CFAP263: variants seen among roughly 807,000 people sequenced by gnomAD.
CFAP263 encodes cilia- and flagella-associated protein 263.
the CFAP263 span, among the ~76,000 whole-genome samples, chr16:58,268,924 A>G: frequency 1.3e-5 from 2 of 152,210 alleles, no homozygotes; most frequent in Non-Finnish European, 2.9e-5. Flanking sequence ...ATAATCACCC[A>G]TTTAAAGTGT....
chr16:58,253,951 AT>A, the CFAP263 span: 1 of 1,610,284 alleles, frequency 6.2e-7, no homozygotes, highest in South Asian at 1.1e-5. Flanking sequence ...GGGCTGGTTC[AT>A]TACCAATTCC....
the CFAP263 span, among the ~76,000 whole-genome samples, chr16:58,260,643 A>G: frequency 6.6e-6 from 1 of 152,184 alleles, no homozygotes; most frequent in African/African-American, 2.4e-5. Context: ...GATGAAAGGC[A>G]GTAAGGCAAA....
At chr16:58,283,506 T>C in the CFAP263 span, 1 of 152,334 alleles carries the variant, frequency 6.6e-6, no homozygotes, top group Admixed American at 6.5e-5. Flanking sequence ...TTTTAATCAG[T>C]TGATGTCAGA....
the CFAP263 span, among the ~76,000 whole-genome samples, chr16:58,257,414 T>A: frequency 6.6e-6 from 1 of 152,138 alleles, no homozygotes; most frequent in South Asian, 2.1e-4. Flanking sequence ...TATTTTCATT[T>A]TATAACATCT....
the CFAP263 span, among the ~76,000 whole-genome samples, chr16:58,256,176 G>A: frequency 1.3e-5 from 2 of 152,204 alleles, no homozygotes; most frequent in Non-Finnish European, 2.9e-5. Flanking sequence ...GCAACCGTCT[G>A]TATCACATCA....
the CFAP263 span, among the ~76,000 whole-genome samples, chr16:58,260,368 A>G: frequency 6.6e-6 from 1 of 152,148 alleles, no homozygotes; most frequent in Non-Finnish European, 1.5e-5. Flanking sequence ...CTCCCAACCC[A>G]TTTCAGACTC....
chr16:58,265,012 TTC>T, the CFAP263 span, among the ~76,000 whole-genome samples: 1 of 152,198 alleles, frequency 6.6e-6, no homozygotes, highest in Non-Finnish European at 1.5e-5. Context: ...TGGCAGCTTT[TTC>T]TCTGACTTTA....
chr16:58,269,946 A>G, the CFAP263 span, among the ~76,000 whole-genome samples: 5 of 152,218 alleles, frequency 3.3e-5, no homozygotes, highest in South Asian at 4.1e-4. Flanking sequence ...TGGCTGCCCC[A>G]TTTTGTATTC....
chr16:58,273,074 T>G, the CFAP263 span, among the ~76,000 whole-genome samples: 1 of 152,212 alleles, frequency 6.6e-6, no homozygotes, highest in Admixed American at 6.5e-5. Flanking sequence ...TTCCCTTGTA[T>G]GTAATGAATT....
the CFAP263 span, among the ~76,000 whole-genome samples, chr16:58,279,111 C>T: frequency 1.2e-4 from 18 of 152,200 alleles, no homozygotes; most frequent in South Asian, 3.5e-3. Flanking sequence ...TACCATGTGA[C>T]AGGAAGCACC....
At chr16:58,254,838 C>G in the CFAP263 span, among the ~76,000 whole-genome samples, 2 of 152,120 alleles carry the variant, frequency 1.3e-5, no homozygotes, top group Non-Finnish European at 2.9e-5. Context: ...ATCTCCTGAC[C>G]TCATGATCCG....
chr16:58,253,252 G>T, the CFAP263 span, among the ~76,000 whole-genome samples: 1 of 152,028 alleles, frequency 6.6e-6, no homozygotes, highest in East Asian at 1.9e-4. Context: ...GTGGTGATAT[G>T]CACCTGTAGT....
chr16:58,253,806 G>C, the CFAP263 span, among the ~76,000 whole-genome samples: 1 of 152,132 alleles, frequency 6.6e-6, no homozygotes, highest in African/African-American at 2.4e-5. Context: ...TTTAGTGCAG[G>C]GGCTTAGGAT....
At chr16:58,271,813 T>C in the CFAP263 span, among the ~76,000 whole-genome samples, 1 of 152,200 alleles carries the variant, frequency 6.6e-6, no homozygotes, top group African/African-American at 2.4e-5. Flanking sequence ...TAGTATGTTA[T>C]AGATTTCTTC....
At chr16:58,282,442 T>C in the CFAP263 span, 4 of 152,250 alleles carry the variant, frequency 2.6e-5, no homozygotes, top group Non-Finnish European at 4.4e-5. Context: ...AGTGGGGTAT[T>C]CTCTTTCAAT....
the CFAP263 span, chr16:58,250,046 C>A: frequency 1.9e-6 from 3 of 1,599,076 alleles, no homozygotes; most frequent in Non-Finnish European, 8.5e-7. Flanking sequence ...AGCGTCCTCT[C>A]CGACTCCCAT....
At chr16:58,254,636 G>A in the CFAP263 span, among the ~76,000 whole-genome samples, 14 of 148,298 alleles carry the variant, frequency 9.4e-5, no homozygotes, top group East Asian at 7.9e-4. Context: ...GTGGAGTCTC[G>A]CTCTGTTACC....
the CFAP263 span, chr16:58,279,894 C>A: frequency 1.2e-6 from 1 of 827,208 alleles, no homozygotes; most frequent in Non-Finnish European, 1.9e-6. Context: ...AACCCCCCAC[C>A]CAGGCTGCGT....
the CFAP263 span, among the ~76,000 whole-genome samples, chr16:58,252,186 T>G: frequency 6.6e-6 from 1 of 151,972 alleles, no homozygotes; most frequent in Non-Finnish European, 1.5e-5. Flanking sequence ...CTTGACAACA[T>G]AGCAAGATAC....
Sources: allele counts gnomAD v4.1 joint callset (sites outside exome capture counted in the v4.1 genomes callset), GRCh38; gene constraint gnomAD v4.1.1; transcripts MANE v1.5; gene names NCBI Gene and HGNC (gene_info 2026-07-23, HGNC 2026-07-21).